The following DDX52 variants were observed in gnomAD, a reference collection of about 807,000 sequenced individuals.
The protein encoded by DDX52 is DExD-box helicase 52.
A neutral mutation model predicts 76.1 loss-of-function variants in DDX52; 59 were observed. The observed-to-expected ratio is 0.78, with a 90% CI of 0.63 to 0.96. The LOEUF (loss-of-function observed/expected upper bound fraction) is 0.96. Ranked by LOEUF, DDX52 falls within the 40% of genes least tolerant of loss-of-function variation. The pLI is 0.00. For synonymous variants in DDX52, 231 were observed against 244.1 expected, an observed-to-expected ratio of 0.95 and a Z score of 0.50; for missense variants, 707 against 703.9, an observed-to-expected ratio of 1.00 and a Z score of -0.05.
At chr17:37,636,294 C>T (rs1375368117) in intron 2 of DDX52, among the ~76,000 whole-genome samples, 3 of 152,056 alleles carry the variant, frequency 2.0e-5, no homozygotes, top group Non-Finnish European at 4.4e-5. Flanking sequence ...TTGATGTTCA[C>T]TTTTTTCCCC....
chr17:37,641,563 C>T (rs1308875944), intron 2 of DDX52, among the ~76,000 whole-genome samples: 1 of 151,720 alleles, frequency 6.6e-6, no homozygotes, highest in African/African-American at 2.4e-5. Flanking sequence ...ATGGTGAAAC[C>T]CCATCTCTAC....
intron 9 of DDX52, among the ~76,000 whole-genome samples, chr17:37,622,867 T>A (rs1391138491): frequency 1.3e-5 from 2 of 152,230 alleles, no homozygotes; most frequent in Non-Finnish European, 2.9e-5. Flanking sequence ...CCAAGCACTA[T>A]TATATAATAA....
At chr17:37,642,432 G>C (rs2031249311) in intron 1 of DDX52, 124 bp from the exon 2 acceptor site, 1 of 1,109,112 alleles carries the variant, frequency 9.0e-7, no homozygotes, top group South Asian at 1.5e-5. Context: ...GAGCTAACAG[G>C]TGTCTGGACA....
intron 13 of DDX52, 47 bp downstream of exon 13, chr17:37,619,721 T>C: frequency 6.6e-7 from 1 of 1,521,712 alleles, no homozygotes; most frequent in Non-Finnish European, 8.9e-7. Context: ...AAAAAGAATG[T>C]ATATACAAAG....
intron 14 of DDX52, among the ~76,000 whole-genome samples, chr17:37,615,612 C>T (rs1410119557): frequency 1.3e-5 from 2 of 152,004 alleles, no homozygotes; most frequent in African/African-American, 2.4e-5. Flanking sequence ...CCCAGGAGGT[C>T]GAGGCTGCAG....
rs554930218 is a variant in DDX52 at position 37,611,483 on chromosome 17, CAA to C, written c.*2811_*2812del. Reference sequence around the variant, plus strand: ...TTAGGCTAAGTGTTATGACAAGAATCAAAAAAGTTTATAAAGGCCGGATATAG... The same window carrying C: ...TTAGGCTAAGTGTTATGACAAGAATCAAAAGTTTATAAAGGCCGGATATAG... On this transcript the variant is annotated 3_prime_UTR_variant, in exon 15 of 15. Transcript: ENST00000617633. 9.2e-5 allele frequency: 14 copies of C among 151,944 alleles called. No individual in the cohort carries two copies. The highest frequency in any genetic ancestry group is 8.5e-4 in the Admixed American group (13 of 15,254). 9.4% of individuals were successfully genotyped at this position (151,944 alleles called of 1,614,324 possible).
chr17:37,628,829 G>A (rs2030524867), intron 5 of DDX52, among the ~76,000 whole-genome samples, 157 bp from the exon 6 acceptor site: 1 of 152,186 alleles, frequency 6.6e-6, no homozygotes, highest in African/African-American at 2.4e-5. Context: ...TCAGCATTTT[G>A]AAACTTCAAT....
intron 14 of DDX52, among the ~76,000 whole-genome samples, chr17:37,616,745 G>A (rs772433286): frequency 5.3e-5 from 8 of 151,646 alleles, no homozygotes; most frequent in Non-Finnish European, 1.2e-4. Context: ...TTGATTGATT[G>A]ACTATTCAAA....
chr17:37,630,021 A>T lies in DDX52; in HGVS notation c.747+9T>A. On this transcript the variant is annotated intron_variant, in intron 5 of 14. Coordinates refer to ENST00000617633, the MANE Select transcript of DDX52 (RefSeq NM_007010.5). Reference sequence around the variant, plus strand: ...CAATCGCATACTCTTCAAAAGCTACAAGTCATACCTGGCTGGCAAGTTCTC... The same window carrying T: ...CAATCGCATACTCTTCAAAAGCTACTAGTCATACCTGGCTGGCAAGTTCTC... The T allele has an allele frequency of 6.2e-7, 1 of 1,601,270 alleles. No homozygotes were observed. Among genetic ancestry groups the T allele is most frequent in the Non-Finnish European group, 8.5e-7 (1 of 1,176,584 alleles).
chr17:37,624,272 G>GTC, intron 9 of DDX52, 72 bp downstream of exon 9: 4 of 1,157,702 alleles, frequency 3.5e-6, no homozygotes, highest in Non-Finnish European at 5.1e-6. Context: ...TGCTACCACT[G>GTC]TAATAGCCTC....
In DDX52 at chr17:37,620,888, T is replaced by C. The variant is rs1181700062; in HGVS notation, c.1562A>G (p.Lys521Arg). Residue 521 changes from lysine (K) to arginine (R), a missense_variant, in exon 12 of 15, where the codon AAG (lysine) becomes AGG (arginine). Physicochemically the swap from Lys to Arg is conservative, Grantham distance 26 (BLOSUM62 2). Transcript: ENST00000617633. ...KAITFFTEDD[K>R]PLLRSVANVI... is the part of the protein sequence containing the mutation. ...TCTAATTTACCTTCTTAATAATGGC[T>C]TATCATCCTCAGTGAAAAATGTAAT... The C allele has an allele frequency of 6.3e-7, 1 of 1,593,240 alleles. No individual in the cohort carries two copies. The highest frequency in any genetic ancestry group is 2.2e-5 in the East Asian group (1 of 44,638).
intron 14 of DDX52, among the ~76,000 whole-genome samples, chr17:37,615,975 C>T (rs2064421056): frequency 6.6e-6 from 1 of 152,160 alleles, no homozygotes; most frequent in Admixed American, 6.5e-5. Context: ...GATCGTGCCA[C>T]TGCACTCCCG....
intron 2 of DDX52, chr17:37,639,324 TG>T: frequency 1.1e-6 from 1 of 886,422 alleles, no homozygotes; most frequent in Non-Finnish European, 1.4e-6. Flanking sequence ...CATACCTTGC[TG>T]GAAGGCATCG....
intron 9 of DDX52, among the ~76,000 whole-genome samples, chr17:37,621,798 C>T (rs1014234661): frequency 1.3e-5 from 2 of 152,210 alleles, no homozygotes; most frequent in Non-Finnish European, 1.5e-5. Flanking sequence ...GATGCCTCAA[C>T]TTTGAAATAA....
intron 8 of DDX52, among the ~76,000 whole-genome samples, chr17:37,624,877 G>C (rs1045054211): frequency 2.6e-5 from 4 of 151,942 alleles, no homozygotes; most frequent in African/African-American, 9.7e-5. Context: ...ACAATGTACT[G>C]TGTTGTATCA....
intron 12 of DDX52, 39 bp from the exon 13 acceptor site, chr17:37,619,878 C>T (rs1394650587): frequency 6.3e-7 from 1 of 1,594,578 alleles, no homozygotes; most frequent in South Asian, 1.1e-5. Flanking sequence ...TGTATCTTTG[C>T]TAAATTGATG....
intron 2 of DDX52, among the ~76,000 whole-genome samples, chr17:37,639,936 A>G (rs986500169): frequency 2.0e-5 from 3 of 152,306 alleles, no homozygotes; most frequent in Admixed American, 2.0e-4. Flanking sequence ...CCAGGGAAGA[A>G]TGACTTTTAC....
chr17:37,624,821 TA>T (rs2030281617), intron 8 of DDX52, among the ~76,000 whole-genome samples: 1 of 152,048 alleles, frequency 6.6e-6, no homozygotes, highest in African/African-American at 2.4e-5. Context: ...GACCAACAGT[TA>T]GGGGTGAGAT....
chr17:37,636,081 A>G (rs761344162), intron 2 of DDX52, among the ~76,000 whole-genome samples: 9 of 152,116 alleles, frequency 5.9e-5, no homozygotes, highest in Non-Finnish European at 1.3e-4. Flanking sequence ...TTATCTTTTG[A>G]AGAATGAAAA....
Sources: allele counts gnomAD v4.1 joint callset (sites outside exome capture counted in the v4.1 genomes callset), GRCh38; gene constraint gnomAD v4.1.1; transcripts MANE v1.5; gene names NCBI Gene and HGNC (gene_info 2026-07-23, HGNC 2026-07-21).